MTCL2: variants seen among roughly 807,000 people sequenced by gnomAD.
MTCL2 encodes the protein microtubule crosslinking factor 2.
chr20:36,794,115 C>A, the MTCL2 span: 1 of 1,551,488 alleles, frequency 6.4e-7, no homozygotes, highest in Non-Finnish European at 8.7e-7. The surrounding 1 kb of genome is among the most constrained non-coding windows in gnomAD (Gnocchi z 5.4). Flanking sequence ...GGCCCGGCCG[C>A]CGAGGGGCTG....
the MTCL2 span, among the ~76,000 whole-genome samples, chr20:36,841,030 C>A: frequency 6.6e-6 from 1 of 151,764 alleles, no homozygotes; most frequent in African/African-American, 2.4e-5. Flanking sequence ...AGACACCTGG[C>A]TGGGCGCAGT....
the MTCL2 span, chr20:36,859,813 C>A: frequency 1.6e-6 from 2 of 1,231,596 alleles, no homozygotes; most frequent in Admixed American, 4.2e-5. Context: ...GGAGTCCTTT[C>A]CCTTGTACTC....
the MTCL2 span, among the ~76,000 whole-genome samples, chr20:36,800,836 G>A: frequency 6.6e-6 from 1 of 152,136 alleles, no homozygotes. Flanking sequence ...AAGCAAAAAG[G>A]GCCTTCTTGT....
chr20:36,856,415 C>T, the MTCL2 span, among the ~76,000 whole-genome samples: 4 of 152,244 alleles, frequency 2.6e-5, no homozygotes, highest in African/African-American at 7.2e-5. Context: ...TGGCCCTCTG[C>T]AGCCCCCAGC....
chr20:36,804,645 A>T, the MTCL2 span: 1 of 1,529,378 alleles, frequency 6.5e-7, no homozygotes, highest in Non-Finnish European at 8.9e-7. Context: ...TTCCTCTAGG[A>T]GCATGGCCTT....
chr20:36,813,969 G>A, the MTCL2 span, among the ~76,000 whole-genome samples: 1 of 152,004 alleles, frequency 6.6e-6, no homozygotes, highest in African/African-American at 2.4e-5. Context: ...CTTTGCACAG[G>A]CTATTTGCTC....
At chr20:36,858,452 CAAG>C in the MTCL2 span, among the ~76,000 whole-genome samples, 3 of 83,024 alleles carry the variant, frequency 3.6e-5, no homozygotes, top group Admixed American at 1.5e-4. Context: ...CTAGAATCAC[CAAG>C]GAGGGAAAAC....
At chr20:36,793,293 C>T in the MTCL2 span, 1 of 1,551,748 alleles carries the variant, frequency 6.4e-7, no homozygotes, top group Non-Finnish European at 8.7e-7. This position sits in a 1 kb window ranked among gnomAD's most constrained non-coding sequence, Gnocchi z 6.8. Flanking sequence ...CGGAGGACAC[C>T]ATCCTTCCCC....
the MTCL2 span, among the ~76,000 whole-genome samples, chr20:36,814,076 T>C: frequency 6.6e-5 from 10 of 152,202 alleles, no homozygotes; most frequent in African/African-American, 9.6e-5. Flanking sequence ...AAGTTCCTTG[T>C]TCATAAAACC....
chr20:36,853,710 T>A, the MTCL2 span, among the ~76,000 whole-genome samples: 22 of 145,046 alleles, frequency 1.5e-4, no homozygotes, highest in African/African-American at 4.8e-4. Context: ...GGGGTGTGTG[T>A]GTGTGTGTGT....
chr20:36,794,212 C>A, the MTCL2 span: 5 of 1,546,752 alleles, frequency 3.2e-6, no homozygotes, highest in African/African-American at 5.5e-5. The surrounding 1 kb of genome is among the most constrained non-coding windows in gnomAD (Gnocchi z 5.4). Context: ...CAGCCTCGGC[C>A]GACTCTTTGG....
chr20:36,856,857 TGCGTGC>T, the MTCL2 span, among the ~76,000 whole-genome samples: 1 of 151,988 alleles, frequency 6.6e-6, no homozygotes, highest in South Asian at 2.1e-4. Flanking sequence ...TGTGTGTGTG[TGCGTGC>T]GCGCACGTGT....
At chr20:36,807,168 G>A in the MTCL2 span, among the ~76,000 whole-genome samples, 1 of 152,192 alleles carries the variant, frequency 6.6e-6, no homozygotes, top group Non-Finnish European at 1.5e-5. Context: ...TGGCGGTAGT[G>A]ACTCTCCCAT....
chr20:36,805,955 C>T, the MTCL2 span: 3 of 1,598,200 alleles, frequency 1.9e-6, no homozygotes, highest in Non-Finnish European at 2.6e-6. Context: ...TCATGCTGTT[C>T]ACCTGTTTTT....
chr20:36,802,356 T>TG, the MTCL2 span, among the ~76,000 whole-genome samples: 2 of 152,114 alleles, frequency 1.3e-5, no homozygotes, highest in African/African-American at 4.8e-5. Flanking sequence ...GAGCAGCCTA[T>TG]GGTAGGTGGT....
At chr20:36,813,751 T>TCAAAA in the MTCL2 span, among the ~76,000 whole-genome samples, 1 of 3,194 alleles carries the variant, frequency 3.1e-4, no homozygotes, top group African/African-American at 9.0e-4. Context: ...AGACTCTGTC[T>TCAAAA]CAAAAAAAAA....
the MTCL2 span, chr20:36,793,948 C>T: frequency 1.2e-4 from 186 of 1,551,418 alleles, no homozygotes; most frequent in Non-Finnish European, 1.6e-4. The surrounding 1 kb of genome is among the most constrained non-coding windows in gnomAD (Gnocchi z 6.8). Flanking sequence ...TCTGTGTGCC[C>T]ACACTGGCCA....
chr20:36,859,772 T>G, the MTCL2 span: 1 of 1,231,706 alleles, frequency 8.1e-7, no homozygotes, highest in Non-Finnish European at 1.0e-6. Context: ...CTCCTTCAAC[T>G]CTGCTCCTGC....
the MTCL2 span, chr20:36,804,695 G>C: frequency 6.2e-7 from 1 of 1,601,464 alleles, no homozygotes; most frequent in African/African-American, 1.3e-5. Context: ...AGGCTTGGCT[G>C]AGAGTAAGGG....
Sources: allele counts gnomAD v4.1 joint callset (sites outside exome capture counted in the v4.1 genomes callset), GRCh38; gene constraint gnomAD v4.1.1; non-coding constraint Gnocchi (gnomAD v3.1); transcripts MANE v1.5; gene names NCBI Gene and HGNC (gene_info 2026-07-23, HGNC 2026-07-21).